Variants in TNIP1 observed in about 807,000 individuals in gnomAD.
TNIP1 encodes TNFAIP3 interacting protein 1.
In TNIP1, 22 loss-of-function variants were observed where a neutral mutation model predicts 86.6. The observed-to-expected ratio is 0.25, with a 90% confidence interval of 0.18 to 0.36. The LOEUF (loss-of-function observed/expected upper bound fraction) is 0.36. TNIP1 is among the 10% of genes least tolerant of loss of function. The pLI, the probability that TNIP1 is intolerant of heterozygous loss-of-function variation, is 1.00. For missense variants in TNIP1, 709 were observed against 820.6 expected (o/e 0.86, Z 1.66); for synonymous variants, 294 against 313.0 (o/e 0.94, Z 0.64).
At chr5:151,035,138 T>C in intron 14 of TNIP1, 71 bp from the exon 15 acceptor site, 1 of 1,532,558 alleles carries the variant, frequency 6.5e-7, no homozygotes, top group Non-Finnish European at 8.9e-7. Flanking sequence ...ATCCAGGGCC[T>C]AACCAGCCAC....
intron 11 of TNIP1, among the ~76,000 whole-genome samples, chr5:151,039,572 C>A (rs772026059): frequency 1.3e-5 from 2 of 152,176 alleles, no homozygotes; most frequent in African/African-American, 4.8e-5. Flanking sequence ...GGGTTCCTAA[C>A]GTGAGTCACA....
At position 151,041,259 on chromosome 5, in the gene TNIP1, C is replaced by T. The variant is rs558092446; in HGVS notation, c.1134+1281G>A. The stretch of plus-strand genomic sequence containing the variant: ...TTAATATTTGTATTTTTATTAGAGA[C>T]GGGGTTTCACCATGTTGGCCAGGCT... On this transcript the variant is annotated intron_variant, in intron 11 of 17. Transcript: ENST00000521591. Among the ~76,000 whole-genome samples the T allele has an allele frequency of 1.2e-3, 181 of 152,126 alleles. 4 individuals are homozygous for T. The South Asian group carries it at 0.035, about 29-fold the overall frequency.
chr5:151,043,164 C>T (rs757337332), intron 9 of TNIP1, among the ~76,000 whole-genome samples: 1 of 152,164 alleles, frequency 6.6e-6, no homozygotes, highest in Non-Finnish European at 1.5e-5. Flanking sequence ...TTTTACCTTG[C>T]CAGGAAAGCA....
chr5:151,040,386 T>C (rs1289140950), intron 11 of TNIP1, among the ~76,000 whole-genome samples: 1 of 152,188 alleles, frequency 6.6e-6, no homozygotes, highest in Non-Finnish European at 1.5e-5. Context: ...TGTGTGACCT[T>C]TAGTCAGTAC....
At chr5:151,076,190 C>T (rs1471603079) in intron 1 of TNIP1, among the ~76,000 whole-genome samples, 1 of 152,210 alleles carries the variant, frequency 6.6e-6, no homozygotes, top group Non-Finnish European at 1.5e-5. Flanking sequence ...ATGGTGGCCG[C>T]CAAGGTCTTT....
chr5:151,033,285 A>T (rs1324260908), intron 16 of TNIP1, among the ~76,000 whole-genome samples: 1 of 152,098 alleles, frequency 6.6e-6, no homozygotes. Flanking sequence ...CGTGGAAGTT[A>T]TAAGAAAAAG....
chr5:151,039,778 C>T (rs1241278378), intron 11 of TNIP1, among the ~76,000 whole-genome samples: 1 of 152,216 alleles, frequency 6.6e-6, no homozygotes, highest in Non-Finnish European at 1.5e-5. Context: ...GGAGAGATGA[C>T]ACGCCCAGAG....
chr5:151,042,219 G>A (rs1758513809), intron 11 of TNIP1, among the ~76,000 whole-genome samples: 1 of 152,138 alleles, frequency 6.6e-6, no homozygotes, highest in Admixed American at 6.6e-5. Flanking sequence ...AGGATTGTGA[G>A]CCATCGTGCC....
At chr5:151,070,935 G>A (rs1762756002) in intron 1 of TNIP1, among the ~76,000 whole-genome samples, 3 of 151,692 alleles carry the variant, frequency 2.0e-5, no homozygotes, top group South Asian at 2.1e-4. Context: ...CATGGACTCC[G>A]GGTGACAGTG....
chr5:151,049,920 C>T lies in TNIP1; in HGVS notation c.750G>A (p.Leu250=). 6.2e-7 allele frequency: 1 copy of T among 1,614,220 alleles called. No homozygotes were observed. The highest frequency in any genetic ancestry group is 1.7e-5 in the Admixed American group (1 of 60,032). Residue 250 remains leucine, a synonymous_variant, in exon 8 of 18, where the codon TTG becomes TTA. Coordinates refer to ENST00000521591, the MANE Select transcript of TNIP1 (RefSeq NM_006058.5). ...CCTCTTTGTTGCCATTGCTCATCAA[C>T]AACTTCTTGAGCTCCAAATTTTCCT... The part of the protein sequence containing the change: ...LREENLELKK[L]LMSNGNKEGA...
chr5:151,058,007 G>C (rs1161200527), intron 5 of TNIP1, among the ~76,000 whole-genome samples: 1 of 152,060 alleles, frequency 6.6e-6, no homozygotes, highest in African/African-American at 2.4e-5. Context: ...TGCAACCTCC[G>C]CCTCCTGGGT....
intron 16 of TNIP1, 171 bp from the exon 17 acceptor site, chr5:151,032,554 T>TA (rs1757041764): frequency 1.5e-6 from 1 of 674,870 alleles, no homozygotes; most frequent in African/African-American, 1.8e-5. Flanking sequence ...TCAGAGGGGA[T>TA]AACTTGCTGA....
intron 1 of TNIP1, among the ~76,000 whole-genome samples, chr5:151,071,293 A>T (rs1160586352): frequency 1.3e-5 from 2 of 152,072 alleles, no homozygotes; most frequent in African/African-American, 4.8e-5. Flanking sequence ...ACTGAGCAAC[A>T]ATGAGGCTGC....
intron 12 of TNIP1, chr5:151,037,466 T>G (rs1173200042): frequency 6.6e-6 from 1 of 152,272 alleles, no homozygotes; most frequent in Admixed American, 6.5e-5. Context: ...TCCTCAACAC[T>G]TATGTACATA....
rs745864834 is a variant in TNIP1 at position 151,036,847 on chromosome 5, T to C, written c.1338A>G (p.Ala446=). The change falls in exon 13 of 18, where the codon GCA becomes GCG. Residue 446 remains alanine, a synonymous_variant. Transcript: ENST00000521591. ...PPTAFGSPEG[A]GALLRKQELV... is the part of the protein sequence containing the mutation. ...GCTCCTGTTTCCTTAGGAGGGCCCC[T>C]GCTCCTTCTGGGCTCCCAAATGCTG... 6.2e-7 allele frequency: 1 copy of C among 1,613,898 alleles called. No homozygotes were observed. The highest frequency in any genetic ancestry group is 1.7e-5 in the Admixed American group (1 of 59,996).
intron 15 of TNIP1, 147 bp from the exon 16 acceptor site, chr5:151,033,946 TG>T: frequency 1.6e-6 from 1 of 639,132 alleles, no homozygotes; most frequent in South Asian, 3.3e-5. Flanking sequence ...GGCTGCTACA[TG>T]GGTACAGAAA....
intron 16 of TNIP1, chr5:151,032,967 A>T (rs1757096184): frequency 6.5e-6 from 1 of 153,574 alleles, no homozygotes; most frequent in African/African-American, 2.4e-5. Flanking sequence ...CTCTACCAAA[A>T]ATACAAAAAA....
chr5:151,030,238 C>T lies in TNIP1; in HGVS notation c.*475G>A, dbSNP rs2113168973. On this transcript the variant is annotated 3_prime_UTR_variant, in exon 18 of 18. Coordinates refer to ENST00000521591, the MANE Select transcript of TNIP1 (RefSeq NM_006058.5). Reference sequence around the variant, plus strand: ...TCTGGAGACAAACCCACACTTCCCACAGCTCCTCACAGAGGGGTAGGGGTG... The same window carrying T: ...TCTGGAGACAAACCCACACTTCCCATAGCTCCTCACAGAGGGGTAGGGGTG... The T allele has an allele frequency of 2.3e-6, 1 of 437,368 alleles. No homozygotes were observed. The highest frequency in any genetic ancestry group is 7.0e-5 in the East Asian group (1 of 14,258). 27.1% of individuals were successfully genotyped at this position (437,368 alleles called of 1,614,324 possible). A position where few individuals can be genotyped will look rare whatever the true frequency, so the allele number is the denominator to read the frequency against.
chr5:151,076,989 G>C (rs1473579520), intron 1 of TNIP1, among the ~76,000 whole-genome samples: 1 of 152,246 alleles, frequency 6.6e-6, no homozygotes, highest in Non-Finnish European at 1.5e-5. Context: ...GAGGGTTGAA[G>C]GCAAGTGTCT....
Sources: gnomAD v4.1 joint callset for allele counts (sites outside exome capture counted in the v4.1 genomes callset) on GRCh38, gnomAD v4.1.1 for gene constraint, MANE v1.5 for transcripts, NCBI Gene and HGNC (gene_info 2026-07-23, HGNC 2026-07-21) for gene names.